Variants in IMMP2L observed in about 807,000 individuals in gnomAD.
The protein encoded by IMMP2L is mitochondrial inner membrane protease subunit 2.
In IMMP2L, 18 loss-of-function variants were observed where a neutral mutation model predicts 19.3. That is an observed-to-expected ratio of 0.93 (90% CI 0.64 to 1.38). The LOEUF (loss-of-function observed/expected upper bound fraction) is 1.38. Ranked by LOEUF, IMMP2L falls within the 40% of genes most tolerant of loss-of-function variation. The pLI, the probability that IMMP2L is intolerant of heterozygous loss-of-function variation, is 0.00. For missense variants in IMMP2L, 233 were observed against 218.2 expected, an observed-to-expected ratio of 1.07 and a Z score of -0.43; for synonymous variants, 76 against 73.0, an observed-to-expected ratio of 1.04 and a Z score of -0.21.
intron 3 of IMMP2L, among the ~76,000 whole-genome samples, chr7:111,461,968 T>G (rs1426107156): frequency 6.6e-6 from 1 of 151,936 alleles, no homozygotes; most frequent in African/African-American, 2.4e-5. Context: ...TTCCATTTTA[T>G]ATAGATCATA....
chr7:111,488,119 G>A (rs1842803305), intron 2 of IMMP2L, among the ~76,000 whole-genome samples: 1 of 152,126 alleles, frequency 6.6e-6, no homozygotes, highest in South Asian at 2.1e-4. Context: ...CAAGCTTGAG[G>A]CAAGAACAGG....
chr7:111,217,097 G>GTCTC lies in IMMP2L; in HGVS notation c.240-253536_240-253533dup, dbSNP rs34795971. 1.4e-3 allele frequency among the ~76,000 whole-genome samples: 174 copies of GTCTC among 126,876 alleles called. 1 individual carries two copies. The highest frequency in any genetic ancestry group is 5.0e-3 in the African/African-American group (163 of 32,790). 83.2% of individuals were successfully genotyped at this position (126,876 alleles called of 152,430 possible). ...TTCTGATCTCTCTCTCTCTCCCTCC[G>GTCTC]TCTCTCTCTCTCTCTCTCTCTCTCT... On this transcript the variant is annotated intron_variant, in intron 3 of 5. Transcript: ENST00000405709.
chr7:111,203,894 ACATTG>A (rs1365859527), intron 3 of IMMP2L, among the ~76,000 whole-genome samples: 1 of 152,168 alleles, frequency 6.6e-6, no homozygotes, highest in Non-Finnish European at 1.5e-5. Flanking sequence ...CAAGACCATT[ACATTG>A]GTTACCCTTG....
intron 5 of IMMP2L, among the ~76,000 whole-genome samples, chr7:110,822,273 A>T (rs922101520): frequency 6.6e-6 from 1 of 152,086 alleles, no homozygotes; most frequent in African/African-American, 2.4e-5. Flanking sequence ...AATATAGCTC[A>T]ACTCTATCTT....
intron 3 of IMMP2L, among the ~76,000 whole-genome samples, chr7:111,153,962 G>T (rs1359183158): frequency 2.6e-5 from 4 of 152,024 alleles, no homozygotes; most frequent in Admixed American, 6.6e-5. Flanking sequence ...CCTTGGACTA[G>T]AAACTGCACT....
intron 5 of IMMP2L, among the ~76,000 whole-genome samples, chr7:110,811,080 T>C (rs1017618973): frequency 2.0e-5 from 3 of 152,046 alleles, no homozygotes; most frequent in African/African-American, 7.2e-5. Context: ...TGGCTTCTGA[T>C]ACCAGACCCT....
At chr7:111,424,217 T>A (rs997150067) in intron 3 of IMMP2L, among the ~76,000 whole-genome samples, 1 of 151,844 alleles carries the variant, frequency 6.6e-6, no homozygotes, top group Non-Finnish European at 1.5e-5. Flanking sequence ...TACTTTCTAC[T>A]CATCACAGTA....
intron 1 of IMMP2L, among the ~76,000 whole-genome samples, chr7:111,538,156 C>T (rs762722553): frequency 9.9e-5 from 15 of 152,090 alleles, no homozygotes; most frequent in South Asian, 4.2e-4. Flanking sequence ...GTGAGTTCTG[C>T]GCGAGCAGAA....
chr7:111,413,873 G>A (rs149047533), intron 3 of IMMP2L, among the ~76,000 whole-genome samples: 6 of 151,794 alleles, frequency 4.0e-5, no homozygotes, highest in African/African-American at 1.5e-4. Context: ...TTCTCTTTCT[G>A]CTTCCGATAT....
rs1563176445 is a variant in IMMP2L, at chr7:111,030,916, AT to A, written c.240-67352del. Among the ~76,000 whole-genome samples, 377 of 86,978 alleles carry A rather than the reference AT, an allele frequency of 4.3e-3. 2 individuals are homozygous for A. The highest frequency in any genetic ancestry group is 0.015 in the African/African-American group (344 of 22,330). 57.1% of individuals were successfully genotyped at this position (86,978 alleles called of 152,430 possible). On this transcript the variant is annotated intron_variant, in intron 3 of 5. Transcript: ENST00000405709. ...TATATATATATATATATATATATAT[AT>A]ATATATATAAAATATATATACACGA...
intron 4 of IMMP2L, among the ~76,000 whole-genome samples, chr7:110,926,093 T>C (rs1305254873): frequency 6.6e-6 from 1 of 152,064 alleles, no homozygotes; most frequent in Admixed American, 6.6e-5. Flanking sequence ...GAGGCTATGA[T>C]ACTAAAACAT....
rs533174233 is a variant in IMMP2L at position 110,940,654 on chromosome 7, G to A, written c.305+22846C>T. On this transcript the variant is annotated intron_variant, in intron 4 of 5. Coordinates refer to ENST00000405709, the MANE Select transcript of IMMP2L (RefSeq NM_032549.4). Reference sequence around the variant, plus strand: ...ATCTCCTCATCTATAACGTGAGTGCGAATGAACTGAACTCAGCTTTGATGT... The same window carrying A: ...ATCTCCTCATCTATAACGTGAGTGCAAATGAACTGAACTCAGCTTTGATGT... Among the ~76,000 whole-genome samples the A allele has an allele frequency of 6.6e-5, 10 of 152,260 alleles. No homozygotes were observed. In the South Asian group the frequency reaches 1.0e-3, roughly 16 times the overall value.
chr7:111,210,145 C>A (rs772252173), intron 3 of IMMP2L, among the ~76,000 whole-genome samples: 1 of 152,072 alleles, frequency 6.6e-6, no homozygotes, highest in African/African-American at 2.4e-5. Flanking sequence ...TTGTTTTTTG[C>A]TTTCTTGACT....
chr7:110,963,432 C>A, intron 4 of IMMP2L, 68 bp downstream of exon 4: 1 of 1,117,034 alleles, frequency 9.0e-7, no homozygotes, highest in African/African-American at 1.6e-5. Flanking sequence ...ATGTATTTCC[C>A]AAGTAATGTA....
intron 5 of IMMP2L, among the ~76,000 whole-genome samples, chr7:110,796,298 C>T (rs1379088478): frequency 6.6e-6 from 1 of 151,912 alleles, no homozygotes; most frequent in African/African-American, 2.4e-5. Context: ...CAGTGCTCCA[C>T]CTGGATGCCA....
intron 3 of IMMP2L, among the ~76,000 whole-genome samples, chr7:111,036,003 T>C (rs149917054): frequency 8.4e-4 from 128 of 152,336 alleles, no homozygotes; most frequent in African/African-American, 2.9e-3. Flanking sequence ...GAATGCAATG[T>C]GCTTAAAACA....
intron 3 of IMMP2L, among the ~76,000 whole-genome samples, chr7:111,055,822 T>C (rs1311873264): frequency 6.6e-6 from 1 of 152,204 alleles, no homozygotes; most frequent in East Asian, 1.9e-4. Context: ...TGCATATATC[T>C]GAACATACAT....
intron 3 of IMMP2L, among the ~76,000 whole-genome samples, chr7:111,186,919 T>A (rs1296461030): frequency 6.6e-6 from 1 of 152,024 alleles, no homozygotes; most frequent in Non-Finnish European, 1.5e-5. Context: ...TTTCTGTAAC[T>A]TCCCCCTCGT....
At chr7:111,072,847 G>A (rs941364958) in intron 3 of IMMP2L, among the ~76,000 whole-genome samples, 1 of 149,468 alleles carries the variant, frequency 6.7e-6, no homozygotes, top group Non-Finnish European at 1.5e-5. Context: ...AGCTTGCAGC[G>A]AGCCAAGATT....
Sources: gnomAD v4.1 joint callset for allele counts (sites outside exome capture counted in the v4.1 genomes callset) on GRCh38, gnomAD v4.1.1 for gene constraint, MANE v1.5 for transcripts, NCBI Gene and HGNC (gene_info 2026-07-23, HGNC 2026-07-21) for gene names.